MARCHF3: variants seen among roughly 807,000 people sequenced by gnomAD.
MARCHF3 encodes membrane associated ring-CH-type finger 3.
MARCHF3 carries 13 observed loss-of-function variants against 24.2 expected under a neutral mutation model. That is an observed-to-expected ratio of 0.54 (90% CI 0.35 to 0.85). The LOEUF is 0.85. Among genes scored for constraint, MARCHF3 ranks in the 40% least tolerant of loss-of-function variants. The pLI is 0.01. For synonymous variants in MARCHF3, 144 were observed against 137.3 expected (o/e 1.05, Z -0.34); for missense variants, 276 against 325.0 (o/e 0.85, Z 1.16).
intron 3 of MARCHF3, 163 bp downstream of exon 3, chr5:126,914,767 A>ACACACACACACACAC (rs1754658481): frequency 8.6e-5 from 37 of 432,092 alleles, no homozygotes; most frequent in African/African-American, 1.7e-4. Flanking sequence ...CTCTTTCTCA[A>ACACACACACACACAC]ACACACACAC....
chr5:126,875,443 G>A (rs1173973166), intron 4 of MARCHF3, among the ~76,000 whole-genome samples: 1 of 152,254 alleles, frequency 6.6e-6, no homozygotes, highest in Non-Finnish European at 1.5e-5. Flanking sequence ...GAGGAGCCAG[G>A]CTTGGACTGA....
At chr5:126,958,953 C>A (rs1210283755) in intron 1 of MARCHF3, among the ~76,000 whole-genome samples, 2 of 152,066 alleles carry the variant, frequency 1.3e-5, no homozygotes, top group Non-Finnish European at 2.9e-5. Flanking sequence ...CCCATTAGTC[C>A]ACACTGCTTT....
At chr5:126,948,255 A>G (rs1750096533) in intron 1 of MARCHF3, among the ~76,000 whole-genome samples, 1 of 152,146 alleles carries the variant, frequency 6.6e-6, no homozygotes, top group Non-Finnish European at 1.5e-5. Flanking sequence ...AGAAACCCCG[A>G]GTGTACCAAA....
intron 1 of MARCHF3, among the ~76,000 whole-genome samples, chr5:126,920,264 T>C (rs1749061646): frequency 6.6e-6 from 1 of 152,146 alleles, no homozygotes; most frequent in Admixed American, 6.6e-5. Flanking sequence ...AACTGAGTTA[T>C]GGTAGCTTTC....
At chr5:126,953,982 TA>T (rs2126817496) in intron 1 of MARCHF3, among the ~76,000 whole-genome samples, 1 of 152,276 alleles carries the variant, frequency 6.6e-6, no homozygotes, top group Non-Finnish European at 1.5e-5. Flanking sequence ...ATCATATTTT[TA>T]ATTTCCACTC....
intron 1 of MARCHF3, among the ~76,000 whole-genome samples, chr5:127,015,717 G>A (rs1752617965): frequency 6.6e-6 from 1 of 152,190 alleles, no homozygotes; most frequent in Non-Finnish European, 1.5e-5. Context: ...TCATTTTAGT[G>A]GATACAGCAG....
At chr5:127,013,254 T>C (rs1752526951) in intron 1 of MARCHF3, among the ~76,000 whole-genome samples, 6 of 152,196 alleles carry the variant, frequency 3.9e-5, no homozygotes, top group South Asian at 2.1e-4. Context: ...GCTTTTGCTA[T>C]ACATTTTGTT....
chr5:126,890,593 C>T (rs548027826), intron 3 of MARCHF3, among the ~76,000 whole-genome samples: 12 of 152,018 alleles, frequency 7.9e-5, no homozygotes, highest in Non-Finnish European at 1.6e-4. Flanking sequence ...CAGTTTCATC[C>T]ATGTCCCTAC....
At chr5:127,016,433 T>C (rs1752640771) in intron 1 of MARCHF3, among the ~76,000 whole-genome samples, 1 of 152,040 alleles carries the variant, frequency 6.6e-6, no homozygotes, top group Admixed American at 6.6e-5. Context: ...AACAACCTCA[T>C]CAAAAAGTGG....
intron 1 of MARCHF3, among the ~76,000 whole-genome samples, chr5:126,955,899 C>A (rs1375395399): frequency 6.6e-6 from 1 of 152,160 alleles, no homozygotes; most frequent in African/African-American, 2.4e-5. Flanking sequence ...TATTTGCCTG[C>A]ATTTCTTTCT....
chr5:126,931,788 G>C (rs916071998), intron 1 of MARCHF3, among the ~76,000 whole-genome samples: 3 of 152,158 alleles, frequency 2.0e-5, no homozygotes, highest in Non-Finnish European at 4.4e-5. Flanking sequence ...AACTGGACTA[G>C]AGTAGAAGCC....
At chr5:126,968,620 T>C (rs1399663690) in intron 1 of MARCHF3, among the ~76,000 whole-genome samples, 1 of 152,192 alleles carries the variant, frequency 6.6e-6, no homozygotes, top group Non-Finnish European at 1.5e-5. Flanking sequence ...CTGTTGCCCA[T>C]GCTGGAGTGC....
chr5:127,023,901 C>A (rs1383118187), intron 1 of MARCHF3, among the ~76,000 whole-genome samples: 2 of 152,182 alleles, frequency 1.3e-5, no homozygotes, highest in African/African-American at 4.8e-5. Context: ...CTAAACCTCC[C>A]ACAGCCAAAG....
intron 1 of MARCHF3, among the ~76,000 whole-genome samples, chr5:126,994,170 A>G (rs1751869764): frequency 6.6e-6 from 1 of 152,254 alleles, no homozygotes; most frequent in Non-Finnish European, 1.5e-5. Context: ...GTAGAAGACT[A>G]CTCAGCAGTA....
chr5:126,900,616 T>C (rs1344646331), intron 3 of MARCHF3, among the ~76,000 whole-genome samples: 2 of 4,178 alleles, frequency 4.8e-4, no homozygotes, highest in East Asian at 0.33. Context: ...GTTTACAGTA[T>C]TTCATTTATA....
At chr5:127,004,256 G>A (rs568853843) in intron 1 of MARCHF3, among the ~76,000 whole-genome samples, 2 of 152,176 alleles carry the variant, frequency 1.3e-5, no homozygotes, top group African/African-American at 4.8e-5. Context: ...GCTGCAAAAC[G>A]GGGCTGTGCC....
Position 126,909,428 on chromosome 5 carries a change from G to A in MARCHF3, c.393+5502C>T, listed in dbSNP as rs557331308. 1.0e-3 allele frequency among the ~76,000 whole-genome samples: 156 copies of A among 152,288 alleles called. 1 individual carries two copies. Among genetic ancestry groups the A allele is most frequent in the African/African-American group, 3.2e-3 (132 of 41,562 alleles). ...GCGCCCCTCCCCCAGCCTCGCTGTC[G>A]CCTTGCAGTTTGATCTCAGACTGCT... On this transcript the variant is annotated intron_variant, in intron 3 of 4. Coordinates refer to ENST00000308660, the MANE Select transcript of MARCHF3 (RefSeq NM_178450.5).
intron 1 of MARCHF3, among the ~76,000 whole-genome samples, chr5:126,937,839 T>G (rs1749696876): frequency 6.6e-6 from 1 of 152,168 alleles, no homozygotes; most frequent in South Asian, 2.1e-4. Flanking sequence ...AGATTAGAGT[T>G]AACAAAGAAG....
At position 126,915,536 on chromosome 5, in the gene MARCHF3, T is replaced by C. The variant is rs114721857; in HGVS notation, c.189-402A>G. ...GAATCTTTCGGACCAAACCAAGACA[T>C]GTTTGCATATCCAGAGGTTCTTCTC... On this transcript the variant is annotated intron_variant, in intron 2 of 4. Transcript: ENST00000308660. Among the ~76,000 whole-genome samples the C allele has an allele frequency of 1.2e-3, 187 of 152,308 alleles. 1 individual carries two copies. The highest frequency in any genetic ancestry group is 4.4e-3 in the African/African-American group (184 of 41,562).
Sources: gnomAD v4.1 joint callset for allele counts (sites outside exome capture counted in the v4.1 genomes callset) on GRCh38, gnomAD v4.1.1 for gene constraint, MANE v1.5 for transcripts, NCBI Gene and HGNC (gene_info 2026-07-23, HGNC 2026-07-21) for gene names.